Variants in HIPK2 observed in about 807,000 individuals in gnomAD.
The protein encoded by HIPK2 is homeodomain interacting protein kinase 2, also known as homeodomain-interacting protein kinase 2.
HIPK2 carries 27 observed loss-of-function variants against 113.7 expected under a neutral mutation model. The observed-to-expected ratio is 0.24, with a 90% confidence interval of 0.17 to 0.33. The LOEUF (loss-of-function observed/expected upper bound fraction) is 0.33, where lower values mean the gene tolerates loss of function less well. HIPK2 is among the 10% of genes least tolerant of loss of function. The pLI is 1.00. For missense variants in HIPK2, 1,257 were observed against 1,588.0 expected, an observed-to-expected ratio of 0.79 and a Z score of 3.54; for synonymous variants, 631 against 642.2, an observed-to-expected ratio of 0.98 and a Z score of 0.26.
intron 13 of HIPK2, among the ~76,000 whole-genome samples, chr7:139,578,954 G>A (rs1178907775): frequency 9.2e-5 from 14 of 152,204 alleles, no homozygotes; most frequent in Admixed American, 9.2e-4. Context: ...GATTATAGGC[G>A]TGAGCCACCG....
At chr7:139,736,985 C>T (rs1795956525) in intron 1 of HIPK2, among the ~76,000 whole-genome samples, 1 of 152,198 alleles carries the variant, frequency 6.6e-6, no homozygotes. Flanking sequence ...AACTCTGTTG[C>T]CATCTTGCAC....
chr7:139,657,039 T>A (rs987989443), intron 2 of HIPK2, among the ~76,000 whole-genome samples: 2 of 152,142 alleles, frequency 1.3e-5, no homozygotes, highest in African/African-American at 4.8e-5. Flanking sequence ...CCTGGCTAAC[T>A]TTTGTATTTT....
chr7:139,630,176 A>G lies in HIPK2; in HGVS notation c.1347+989T>C, dbSNP rs1352912313. 2.6e-5 allele frequency among the ~76,000 whole-genome samples: 4 copies of G among 152,196 alleles called. No individual in the cohort carries two copies. The highest frequency in any genetic ancestry group is 9.7e-5 in the African/African-American group (4 of 41,444). On this transcript the variant is annotated intron_variant, in intron 4 of 14. Coordinates refer to ENST00000406875, the MANE Select transcript of HIPK2 (RefSeq NM_022740.5). This position sits in a 1 kb window ranked among gnomAD's most constrained non-coding sequence, Gnocchi z 4.0. ...GGAAAATACTTTGATTTTAATTGCTAGGCACAGATCAAAGTGAAAGCAAAC... is the reference window on the plus strand; with the variant it reads ...GGAAAATACTTTGATTTTAATTGCTGGGCACAGATCAAAGTGAAAGCAAAC...
At position 139,625,506 on chromosome 7, in the gene HIPK2, C is replaced by G. The variant is rs1198319245; in HGVS notation, c.1619+1095G>C. 3.9e-5 allele frequency among the ~76,000 whole-genome samples: 6 copies of G among 152,212 alleles called. No individual in the cohort carries two copies. In the East Asian group the frequency reaches 1.2e-3, roughly 29 times the overall value. On this transcript the variant is annotated intron_variant, in intron 6 of 14. Transcript: ENST00000406875. ...GATTAAAAACCTTAACATGTACGGCCTGCCCTGGCTGACTGGATGCCTCAC... is the reference window on the plus strand; with the variant it reads ...GATTAAAAACCTTAACATGTACGGCGTGCCCTGGCTGACTGGATGCCTCAC...
At chr7:139,635,799 G>A (rs984865897) in intron 2 of HIPK2, among the ~76,000 whole-genome samples, 26 of 152,138 alleles carry the variant, frequency 1.7e-4, no homozygotes, top group Non-Finnish European at 8.8e-5. Context: ...AAATCGAGCC[G>A]ACACAGCACA....
rs984751105 is a variant in HIPK2, at chr7:139,569,631, A to G, written c.*3296T>C. ...TGGTGACCATGTTGTCAGAAGCCCA[A>G]TCAAGGCTTTGATTCTTCTTTAAAC... On this transcript the variant is annotated 3_prime_UTR_variant, in exon 15 of 15. Transcript: ENST00000406875. 6.6e-6 allele frequency: 1 copy of G among 152,092 alleles called. No homozygotes were observed. Among genetic ancestry groups the G allele is most frequent in the Non-Finnish European group, 1.5e-5 (1 of 68,008 alleles). 9.4% of individuals were successfully genotyped at this position (152,092 alleles called of 1,614,324 possible).
intron 6 of HIPK2, among the ~76,000 whole-genome samples, chr7:139,621,831 GAGA>G (rs1466551488): frequency 6.7e-6 from 1 of 149,856 alleles, no homozygotes; most frequent in Non-Finnish European, 1.5e-5. Context: ...GCTGAGGTCG[GAGA>G]ATCACTTGAG....
intron 13 of HIPK2, among the ~76,000 whole-genome samples, chr7:139,575,947 A>G (rs1257895605): frequency 6.6e-6 from 1 of 152,246 alleles, no homozygotes; most frequent in Non-Finnish European, 1.5e-5. Context: ...TTGGACTTCC[A>G]GTCTTCAGAA....
At chr7:139,686,377 T>C (rs998444838) in intron 2 of HIPK2, among the ~76,000 whole-genome samples, 2 of 152,354 alleles carry the variant, frequency 1.3e-5, no homozygotes, top group South Asian at 4.1e-4. Context: ...ATTGTTGAAA[T>C]GATAACAAAG....
intron 2 of HIPK2, among the ~76,000 whole-genome samples, chr7:139,676,281 T>C (rs909433464): frequency 2.6e-5 from 4 of 152,242 alleles, no homozygotes; most frequent in African/African-American, 7.2e-5. Context: ...CCTAGTTTGC[T>C]AACCCTGGCA....
At chr7:139,729,590 C>T (rs981811317) in intron 1 of HIPK2, among the ~76,000 whole-genome samples, 2 of 152,142 alleles carry the variant, frequency 1.3e-5, no homozygotes, top group South Asian at 2.1e-4. Context: ...CTCTCACCTG[C>T]CATCCACATT....
chr7:139,760,638 A>G (rs1796447595), intron 1 of HIPK2, among the ~76,000 whole-genome samples: 1 of 152,184 alleles, frequency 6.6e-6, no homozygotes, highest in Non-Finnish European at 1.5e-5. Context: ...AAAAATAAAG[A>G]TTTTTCCATA....
intron 2 of HIPK2, among the ~76,000 whole-genome samples, chr7:139,639,408 C>A (rs1204128901): frequency 1.3e-5 from 2 of 152,186 alleles, no homozygotes; most frequent in Non-Finnish European, 2.9e-5. Flanking sequence ...ATTCAACCAC[C>A]ATTTACTAAG....
chr7:139,727,500 T>C (rs1795617183), intron 1 of HIPK2, among the ~76,000 whole-genome samples: 1 of 152,246 alleles, frequency 6.6e-6, no homozygotes, highest in Non-Finnish European at 1.5e-5. Context: ...ATAGGCTGTG[T>C]TTCTTTGATT....
chr7:139,561,669 A>G lies in HIPK2; in HGVS notation c.*11258T>C, dbSNP rs996174223. Reference sequence around the variant, plus strand: ...TATGTGAGTTTACAAATTTTAATTAATAAGTCATTTCACCTCGGAGACCGA... The same window carrying G: ...TATGTGAGTTTACAAATTTTAATTAGTAAGTCATTTCACCTCGGAGACCGA... On this transcript the variant is annotated 3_prime_UTR_variant, in exon 15 of 15. Coordinates refer to ENST00000406875, the MANE Select transcript of HIPK2 (RefSeq NM_022740.5). 16 of 152,348 alleles carry G rather than the reference A, an allele frequency of 1.1e-4. No individual in the cohort carries two copies. Among genetic ancestry groups the G allele is most frequent in the African/African-American group, 3.4e-4 (14 of 41,586 alleles). 9.4% of individuals were successfully genotyped at this position (152,348 alleles called of 1,614,324 possible). A position where few individuals can be genotyped will look rare whatever the true frequency, so the allele number is the denominator to read the frequency against.
chr7:139,722,679 G>A (rs1795449225), intron 1 of HIPK2, among the ~76,000 whole-genome samples: 1 of 151,778 alleles, frequency 6.6e-6, no homozygotes, highest in South Asian at 2.1e-4. Context: ...GTAAGCATAC[G>A]TCCTACTGCC....
chr7:139,730,111 G>A lies in HIPK2; in HGVS notation c.20-13096C>T, dbSNP rs1174955081. ...AGTCTAAATCAAGACTAAAAATCTG[G>A]TAGGCTTTTTCTCTTCTGAGCAAGA... On this transcript the variant is annotated intron_variant, in intron 1 of 14. Coordinates refer to ENST00000406875, the MANE Select transcript of HIPK2 (RefSeq NM_022740.5). Among the ~76,000 whole-genome samples, 8 of 152,298 alleles carry A rather than the reference G, an allele frequency of 5.3e-5. No individual in the cohort carries two copies. In the East Asian group the frequency reaches 1.5e-3, roughly 29 times the overall value.
At chr7:139,622,142 G>A (rs1224445484) in intron 6 of HIPK2, among the ~76,000 whole-genome samples, 1 of 152,138 alleles carries the variant, frequency 6.6e-6, no homozygotes, top group Non-Finnish European at 1.5e-5. Context: ...CAAACATCCT[G>A]TGAAAAATGC....
intron 2 of HIPK2, among the ~76,000 whole-genome samples, chr7:139,676,837 A>G: frequency 6.7e-6 from 1 of 149,066 alleles, no homozygotes; most frequent in Admixed American, 7.0e-5. Flanking sequence ...CACAAGTATT[A>G]GAACCATAGT....
Sources: gnomAD v4.1 joint callset for allele counts (sites outside exome capture counted in the v4.1 genomes callset) on GRCh38, gnomAD v4.1.1 for gene constraint, Gnocchi (gnomAD v3.1) non-coding constraint, MANE v1.5 for transcripts, NCBI Gene and HGNC (gene_info 2026-07-23, HGNC 2026-07-21) for gene names.